Variants in GAREM1 observed in about 807,000 individuals in gnomAD.
GAREM1 encodes the protein GRB2-associated and regulator of MAPK protein 1.
In GAREM1, 26 loss-of-function variants were observed where a neutral mutation model predicts 71.3. That is an observed-to-expected ratio of 0.36 (90% CI 0.27 to 0.51). GAREM1 has a LOEUF of 0.51. Among genes scored for constraint, GAREM1 ranks in the 20% least tolerant of loss-of-function variants. GAREM1 has a pLI of 0.95. For synonymous variants in GAREM1, 440 were observed against 433.2 expected (o/e 1.02, Z -0.20); for missense variants, 1,026 against 1,103.1 (o/e 0.93, Z 0.99).
chr18:32,380,474 TAAAAAAAA>T (rs35881689), intron 2 of GAREM1, among the ~76,000 whole-genome samples: 41 of 92,470 alleles, frequency 4.4e-4, no homozygotes, highest in Non-Finnish European at 6.0e-4. Flanking sequence ...AGACTTCATT[TAAAAAAAA>T]AAAAAAAAAA....
chr18:32,400,314 T>C (rs1458679777), intron 1 of GAREM1, among the ~76,000 whole-genome samples: 1 of 152,116 alleles, frequency 6.6e-6, no homozygotes, highest in East Asian at 1.9e-4. Flanking sequence ...AAAGCCAAAA[T>C]TGACAAATGG....
intron 3 of GAREM1, among the ~76,000 whole-genome samples, chr18:32,307,353 A>C (rs1567957909): frequency 6.6e-6 from 1 of 152,160 alleles, no homozygotes; most frequent in Non-Finnish European, 1.5e-5. Flanking sequence ...TCTTCTAAGA[A>C]GGTTTGAAAT....
intron 4 of GAREM1, among the ~76,000 whole-genome samples, chr18:32,271,706 C>T (rs1475932132): frequency 2.0e-5 from 3 of 152,174 alleles, no homozygotes; most frequent in Non-Finnish European, 2.9e-5. Context: ...ATAAGAGCTG[C>T]TTCCAGCTCT....
At chr18:32,337,897 G>T (rs187548403) in intron 2 of GAREM1, among the ~76,000 whole-genome samples, 92 of 152,284 alleles carry the variant, frequency 6.0e-4, no homozygotes, top group African/African-American at 2.0e-3. Flanking sequence ...CTCAGAGACA[G>T]TATTTTGAAC....
At chr18:32,327,086 A>C (rs1354262523) in intron 2 of GAREM1, among the ~76,000 whole-genome samples, 1 of 152,238 alleles carries the variant, frequency 6.6e-6, no homozygotes, top group African/African-American at 2.4e-5. Flanking sequence ...GAGAAATGTA[A>C]AAAGAACTGT....
intron 1 of GAREM1, among the ~76,000 whole-genome samples, chr18:32,440,545 G>T (rs1278314960): frequency 6.6e-6 from 1 of 152,166 alleles, no homozygotes; most frequent in Admixed American, 6.5e-5. Context: ...CTTTGATTTT[G>T]TTCCTTCCTT....
intron 2 of GAREM1, among the ~76,000 whole-genome samples, chr18:32,368,249 G>C (rs370016778): frequency 7.2e-5 from 11 of 152,232 alleles, no homozygotes; most frequent in African/African-American, 2.6e-4. Flanking sequence ...AGGTCTCTCT[G>C]TCCTTGAGTG....
chr18:32,282,418 C>A (rs1452704268), intron 4 of GAREM1, among the ~76,000 whole-genome samples: 2 of 152,028 alleles, frequency 1.3e-5, no homozygotes, highest in Admixed American at 6.6e-5. Context: ...GAGTTAGACT[C>A]CGTCTAAAAA....
At chr18:32,383,925 AAT>A (rs1191844018) in intron 2 of GAREM1, among the ~76,000 whole-genome samples, 2 of 152,258 alleles carry the variant, frequency 1.3e-5, no homozygotes, top group South Asian at 2.1e-4. Flanking sequence ...AGGACTCTAA[AAT>A]TTTTAGAGCT....
chr18:32,322,340 A>G (rs1555634453), intron 2 of GAREM1, among the ~76,000 whole-genome samples: 3 of 152,160 alleles, frequency 2.0e-5, no homozygotes, highest in Non-Finnish European at 4.4e-5. Flanking sequence ...TCTGGCTCTC[A>G]CTTTCTTCTC....
At chr18:32,342,521 G>A (rs910348734) in intron 2 of GAREM1, among the ~76,000 whole-genome samples, 6 of 152,106 alleles carry the variant, frequency 3.9e-5, no homozygotes, top group South Asian at 2.1e-4. Flanking sequence ...GAAAGGCAGC[G>A]CTCTCTCCTG....
chr18:32,387,257 T>C lies in GAREM1; in HGVS notation c.262+5638A>G, dbSNP rs144301420. Among the ~76,000 whole-genome samples, 951 of 152,254 alleles carry C rather than the reference T, an allele frequency of 6.2e-3. 7 individuals carry two copies. The highest frequency in any genetic ancestry group is 0.011 in the Non-Finnish European group (782 of 68,022). ...TCCTGGCTAGAATTAAGTTGCTAGG[T>C]TAAAAAAATTTAATATTTGCTTTTG... On this transcript the variant is annotated intron_variant, in intron 2 of 5. Transcript: ENST00000269209.
intron 2 of GAREM1, among the ~76,000 whole-genome samples, chr18:32,335,362 G>A (rs2047579960): frequency 6.6e-6 from 1 of 152,150 alleles, no homozygotes; most frequent in Non-Finnish European, 1.5e-5. Context: ...ACGGTTCTGT[G>A]TGCACATGGT....
At position 32,264,755 on chromosome 18, in the gene GAREM1, T is replaced by TA. The variant is rs1363494987; in HGVS notation, c.*3115_*3116insT. ...AAAACTTGCAAGATTGATCTGTGAG[T>TA]GTCTGAATTCTGCCTCCCAACATGA... is the stretch of plus-strand genomic sequence containing the variant. On this transcript the variant is annotated 3_prime_UTR_variant, in exon 6 of 6. Coordinates refer to ENST00000269209, the MANE Select transcript of GAREM1 (RefSeq NM_001242409.2). 6.6e-6 allele frequency: 1 copy of TA among 152,192 alleles called. No individual in the cohort carries two copies. Among genetic ancestry groups the TA allele is most frequent in the East Asian group, 1.9e-4 (1 of 5,192 alleles). 9.4% of individuals were successfully genotyped at this position (152,192 alleles called of 1,614,324 possible). A position where few individuals can be genotyped will look rare whatever the true frequency, so the allele number is the denominator to read the frequency against.
At chr18:32,393,736 T>A (rs892098643) in intron 1 of GAREM1, among the ~76,000 whole-genome samples, 1 of 152,230 alleles carries the variant, frequency 6.6e-6, no homozygotes, top group Non-Finnish European at 1.5e-5. Flanking sequence ...ATTTTAATAT[T>A]TTCTGAAGTA....
intron 2 of GAREM1, among the ~76,000 whole-genome samples, chr18:32,341,424 T>C (rs1210066495): frequency 6.6e-6 from 1 of 152,194 alleles, no homozygotes; most frequent in Non-Finnish European, 1.5e-5. Flanking sequence ...TTGTGAATAG[T>C]GTCACAATAA....
chr18:32,386,870 C>T (rs774140635), intron 2 of GAREM1, among the ~76,000 whole-genome samples: 29 of 152,086 alleles, frequency 1.9e-4, no homozygotes, highest in Non-Finnish European at 3.7e-4. Flanking sequence ...CTGTGCTGAG[C>T]CATTTACGCA....
At chr18:32,441,526 A>G (rs1599050372) in intron 1 of GAREM1, among the ~76,000 whole-genome samples, 1 of 152,194 alleles carries the variant, frequency 6.6e-6, no homozygotes, top group Admixed American at 6.5e-5. Flanking sequence ...GCAACATACT[A>G]TATTCAAGTG....
intron 4 of GAREM1, among the ~76,000 whole-genome samples, chr18:32,279,862 C>T (rs1420400976): frequency 1.3e-5 from 2 of 152,094 alleles, no homozygotes; most frequent in Non-Finnish European, 2.9e-5. Flanking sequence ...AAAAACAAAT[C>T]TTGGCCTAGA....
Sources: allele counts gnomAD v4.1 joint callset (sites outside exome capture counted in the v4.1 genomes callset), GRCh38; gene constraint gnomAD v4.1.1; transcripts MANE v1.5; gene names NCBI Gene and HGNC (gene_info 2026-07-23, HGNC 2026-07-21).